The following KLHL24 variants were observed in gnomAD, a reference collection of about 807,000 sequenced individuals.
KLHL24 encodes kelch like family member 24, also known as kelch-like protein 24.
KLHL24 carries 29 observed loss-of-function variants against 53.4 expected under a neutral mutation model. The ratio of observed to expected loss-of-function variants is 0.54; its 90% confidence interval spans 0.40 to 0.74. The LOEUF is 0.74. Among genes scored for constraint, KLHL24 ranks in the 30% least tolerant of loss-of-function variants. KLHL24 has a pLI of 0.00. For missense variants in KLHL24, 504 were observed against 744.0 expected, an observed-to-expected ratio of 0.68 and a Z score of 3.75; for synonymous variants, 222 against 253.7, an observed-to-expected ratio of 0.88 and a Z score of 1.19.
intron 7 of KLHL24, among the ~76,000 whole-genome samples, chr3:183,676,565 G>GA (rs1333402768): frequency 2.0e-5 from 3 of 152,084 alleles, no homozygotes; most frequent in Non-Finnish European, 4.4e-5. Flanking sequence ...AAAAAGAGCT[G>GA]AAAAAAATGA....
intron 1 of KLHL24, among the ~76,000 whole-genome samples, chr3:183,639,929 G>T (rs1716100782): frequency 6.6e-6 from 1 of 152,058 alleles, no homozygotes; most frequent in South Asian, 2.1e-4. Context: ...GGAGGCTGAG[G>T]CAGGAGAATC....
At chr3:183,671,814 A>C (rs1721365167) in intron 6 of KLHL24, among the ~76,000 whole-genome samples, 1 of 152,206 alleles carries the variant, frequency 6.6e-6, no homozygotes, top group Non-Finnish European at 1.5e-5. Context: ...CAGTCTATTA[A>C]TTCTTTTTCT....
At chr3:183,653,053 T>A (rs1245189998) in intron 3 of KLHL24, among the ~76,000 whole-genome samples, 3 of 152,218 alleles carry the variant, frequency 2.0e-5, no homozygotes, top group Non-Finnish European at 4.4e-5. Flanking sequence ...TCTCCTAACT[T>A]ACTTAATTAT....
chr3:183,639,554 C>T (rs1446877904), intron 1 of KLHL24, among the ~76,000 whole-genome samples: 1 of 146,810 alleles, frequency 6.8e-6, no homozygotes, highest in Non-Finnish European at 1.5e-5. Flanking sequence ...GGCGTGAACC[C>T]AGGAGGCGGA....
intron 6 of KLHL24, among the ~76,000 whole-genome samples, chr3:183,671,809 TATTA>T (rs926560089): frequency 6.6e-6 from 1 of 152,262 alleles, no homozygotes; most frequent in African/African-American, 2.4e-5. Context: ...TTTGTCAGTC[TATTA>T]ATTCTTTTTC....
chr3:183,651,765 G>T (rs1164541035), intron 3 of KLHL24, among the ~76,000 whole-genome samples: 1 of 152,060 alleles, frequency 6.6e-6, no homozygotes, highest in Non-Finnish European at 1.5e-5. Context: ...ACCAGCCTGG[G>T]CAACATAGCG....
intron 7 of KLHL24, among the ~76,000 whole-genome samples, chr3:183,676,657 G>A (rs1310096526): frequency 3.9e-5 from 6 of 151,994 alleles, no homozygotes; most frequent in Admixed American, 3.9e-4. Flanking sequence ...TTCTGACTTT[G>A]CATAATTCCT....
intron 5 of KLHL24, among the ~76,000 whole-genome samples, chr3:183,669,415 C>T (rs1721037711): frequency 6.6e-6 from 1 of 152,062 alleles, no homozygotes; most frequent in South Asian, 2.1e-4. Flanking sequence ...ATAAATTGCC[C>T]TTACATTGGA....
chr3:183,677,673 C>T (rs1024427965), intron 7 of KLHL24, among the ~76,000 whole-genome samples: 1 of 152,080 alleles, frequency 6.6e-6, no homozygotes, highest in African/African-American at 2.4e-5. Flanking sequence ...TAATAAGGTG[C>T]AATAACTCTC....
At chr3:183,665,347 T>A (rs1303449492) in intron 5 of KLHL24, among the ~76,000 whole-genome samples, 4 of 152,236 alleles carry the variant, frequency 2.6e-5, no homozygotes, top group Non-Finnish European at 5.9e-5. Context: ...CAGGCCAATG[T>A]CTAACCCACG....
At chr3:183,640,600 C>CTTTTTTTCTTTTTTTTTTTTTTTT (rs1385918724) in intron 1 of KLHL24, among the ~76,000 whole-genome samples, 1 of 61,668 alleles carries the variant, frequency 1.6e-5, no homozygotes, top group African/African-American at 9.3e-5. Flanking sequence ...TTTCTTTTTT[C>CTTTTTTTCTTTTTTTTTTTTTTTT]TTTTTTTTTT....
At chr3:183,679,039 C>T (rs1712390952) in intron 7 of KLHL24, 47 bp from the exon 8 acceptor site, 1 of 1,469,076 alleles carries the variant, frequency 6.8e-7, no homozygotes. Flanking sequence ...TTACCAAATC[C>T]TTTATCTTCA....
In KLHL24 at chr3:183,650,233, A is replaced by G; in HGVS notation, c.-61-63A>G. On this transcript the variant is annotated intron_variant, in intron 2 of 7. Transcript: ENST00000242810. The surrounding 1 kb of genome is among the most constrained non-coding windows in gnomAD (Gnocchi z 4.5). ...TGTTGTAGTGTTTATATTAAAATGA[A>G]ATTATGTGATTTGAATACTGAATTT... The G allele has an allele frequency of 1.5e-6, 1 of 674,982 alleles. No individual in the cohort carries two copies. The highest frequency in any genetic ancestry group is 2.5e-6 in the Non-Finnish European group (1 of 402,048). 41.8% of individuals were successfully genotyped at this position (674,982 alleles called of 1,614,324 possible). A position where few individuals can be genotyped will look rare whatever the true frequency, so the allele number is the denominator to read the frequency against.
chr3:183,678,433 C>T (rs2108904582), intron 7 of KLHL24, among the ~76,000 whole-genome samples: 1 of 152,282 alleles, frequency 6.6e-6, no homozygotes, highest in African/African-American at 2.4e-5. Flanking sequence ...GATGCTTTTG[C>T]TTAACTACCA....
chr3:183,680,235 G>GT lies in KLHL24; in HGVS notation c.*950dup, dbSNP rs539065689. ...TTGAGCCCAGGAGTCTGAGGCTACA[G>GT]TGAGCTATGAACGCACACGGCACCC... On this transcript the variant is annotated 3_prime_UTR_variant, in exon 8 of 8. Coordinates refer to ENST00000242810, the MANE Select transcript of KLHL24 (RefSeq NM_017644.3). 3.4e-4 allele frequency: 52 copies of GT among 152,426 alleles called. No homozygotes were observed. The highest frequency in any genetic ancestry group is 1.2e-3 in the African/African-American group (49 of 41,580). The allele number at this position is 152,426 out of a possible 1,614,324, so 9.4% of individuals were successfully genotyped here.
intron 4 of KLHL24, among the ~76,000 whole-genome samples, chr3:183,664,456 C>T (rs373606465): frequency 1.6e-4 from 25 of 152,070 alleles, no homozygotes; most frequent in East Asian, 1.2e-3. Context: ...GATGGGAAGT[C>T]TGTTAATTGG....
intron 7 of KLHL24, among the ~76,000 whole-genome samples, chr3:183,678,379 T>A (rs1712265325): frequency 6.6e-6 from 1 of 152,228 alleles, no homozygotes; most frequent in African/African-American, 2.4e-5. Context: ...CCACTTTCTA[T>A]AATAACCTTC....
Position 183,663,474 on chromosome 3 carries a change from G to C in KLHL24, c.937G>C (p.Glu313Gln), listed in dbSNP as rs1197088548. The change falls in exon 4 of 8, where the codon GAG (glutamate) becomes CAG (glutamine). Residue 313 changes from glutamate (E) to glutamine (Q), a missense_variant. By Grantham distance (29) the Glu-to-Gln change is conservative. Coordinates refer to ENST00000242810, the MANE Select transcript of KLHL24 (RefSeq NM_017644.3). The surrounding 1 kb of genome is among the most constrained non-coding windows in gnomAD (Gnocchi z 4.9). ...TRPRRSTGYS[E>Q]VIVVVGGCER... ...TTATTTTAGGTCCACTGGCTATTCT[G>C]AGGTGATAGTTGTCGTTGGAGGATG... The C allele has an allele frequency of 1.9e-6, 3 of 1,554,592 alleles. No individual in the cohort carries two copies. In the Admixed American group the frequency reaches 5.4e-5, roughly 28 times the overall value.
chr3:183,676,338 C>T (rs1407094132), intron 7 of KLHL24, among the ~76,000 whole-genome samples: 2 of 152,112 alleles, frequency 1.3e-5, no homozygotes, highest in South Asian at 2.1e-4. Flanking sequence ...TTAGGTGATC[C>T]GCCTGCCTCG....
Sources: gnomAD v4.1 joint callset for allele counts (sites outside exome capture counted in the v4.1 genomes callset) on GRCh38, gnomAD v4.1.1 for gene constraint, Gnocchi (gnomAD v3.1) non-coding constraint, MANE v1.5 for transcripts, NCBI Gene and HGNC (gene_info 2026-07-23, HGNC 2026-07-21) for gene names.